The following KCNMA1 variants were observed in gnomAD, a reference collection of about 807,000 sequenced individuals.
The protein encoded by KCNMA1 is Calcium-activated potassium channel subunit alpha-1.
KCNMA1 carries 29 observed loss-of-function variants against 140.0 expected under a neutral mutation model. That is an observed-to-expected ratio of 0.21 (90% CI 0.15 to 0.28). The LOEUF (loss-of-function observed/expected upper bound fraction) is 0.28. Among genes scored for constraint, KCNMA1 ranks in the 10% least tolerant of loss-of-function variants. The pLI is 1.00. For synonymous variants in KCNMA1, 612 were observed against 611.9 expected (o/e 1.00, Z 0.00); for missense variants, 880 against 1,602.2 (o/e 0.55, Z 7.70).
intron 5 of KCNMA1, among the ~76,000 whole-genome samples, chr10:77,136,935 C>A (rs1421058976): frequency 6.6e-6 from 1 of 152,108 alleles, no homozygotes; most frequent in Non-Finnish European, 1.5e-5. Flanking sequence ...TGAGGAGGAC[C>A]CCCTGCCAGA....
At chr10:76,914,488 T>A (rs759594178) in intron 24 of KCNMA1, 1 of 359,756 alleles carries the variant, frequency 2.8e-6, no homozygotes, top group Non-Finnish European at 5.1e-6. Flanking sequence ...GCCCAGGGCT[T>A]CTACCTTGTT....
At chr10:77,060,998 G>T (rs1244809187) in intron 14 of KCNMA1, among the ~76,000 whole-genome samples, 1 of 152,130 alleles carries the variant, frequency 6.6e-6, no homozygotes, top group Non-Finnish European at 1.5e-5. Flanking sequence ...CCAAGTTTTG[G>T]CCTCCAGAAA....
At chr10:77,236,010 T>G (rs1432747604) in intron 3 of KCNMA1, among the ~76,000 whole-genome samples, 1 of 152,094 alleles carries the variant, frequency 6.6e-6, no homozygotes, top group African/African-American at 2.4e-5. Context: ...AGTCTAACAA[T>G]GTCATTTATG....
chr10:76,939,563 C>T (rs2061470057), intron 23 of KCNMA1: 1 of 152,258 alleles, frequency 6.6e-6, no homozygotes, highest in African/African-American at 2.4e-5. Context: ...CACCTGAATC[C>T]TGCAAGCATA....
chr10:77,037,312 T>C (rs755006761), intron 15 of KCNMA1, among the ~76,000 whole-genome samples: 24 of 152,324 alleles, frequency 1.6e-4, no homozygotes, highest in Admixed American at 9.8e-4. Context: ...ACCCCTTTGC[T>C]ACATCAAACT....
chr10:77,079,751 GACAA>G (rs1283072649), intron 12 of KCNMA1: 1 of 618,982 alleles, frequency 1.6e-6, no homozygotes, highest in Non-Finnish European at 2.9e-6. Flanking sequence ...CTTTTCACTG[GACAA>G]GCCCAGCAGT....
At chr10:77,538,052 A>G (rs987097015) in intron 1 of KCNMA1, among the ~76,000 whole-genome samples, 1 of 151,520 alleles carries the variant, frequency 6.6e-6, no homozygotes, top group Non-Finnish European at 1.5e-5. Flanking sequence ...TCATATTCAC[A>G]TACTCTACAC....
chr10:77,237,542 C>A (rs2055933817), intron 3 of KCNMA1, among the ~76,000 whole-genome samples: 1 of 152,196 alleles, frequency 6.6e-6, no homozygotes, highest in Non-Finnish European at 1.5e-5. Flanking sequence ...ACTTCTGCCT[C>A]AAACTCCTGT....
At chr10:77,452,119 C>T (rs1395791903) in intron 1 of KCNMA1, among the ~76,000 whole-genome samples, 4 of 152,182 alleles carry the variant, frequency 2.6e-5, no homozygotes, top group Non-Finnish European at 5.9e-5. Flanking sequence ...TGCCCTTTCC[C>T]CCGCCCTCCC....
chr10:77,121,455 G>T (rs1031996674), intron 5 of KCNMA1, among the ~76,000 whole-genome samples: 1 of 151,984 alleles, frequency 6.6e-6, no homozygotes, highest in East Asian at 1.9e-4. Context: ...AGAATAAATC[G>T]GATAACCTTA....
At position 76,914,372 on chromosome 10, in the gene KCNMA1, C is replaced by T. The variant is rs1040334284; in HGVS notation, c.3016+564G>A. 3 of 534,332 alleles carry T rather than the reference C, an allele frequency of 5.6e-6. No individual in the cohort carries two copies. The African/African-American group carries it at 5.7e-5, about 10-fold the overall frequency. The allele number at this position is 534,332 out of a possible 1,614,324, so 33.1% of individuals were successfully genotyped here. On this transcript the variant is annotated intron_variant, in intron 24 of 27. Coordinates refer to ENST00000286628, the MANE Select transcript of KCNMA1 (RefSeq NM_001161352.2). ...AGATTCTATTGTCCAACCAACATGG[C>T]CCTCAAAACCCCATCATTTTGGGGG... is the stretch of plus-strand genomic sequence containing the variant.
At chr10:77,441,859 G>A (rs879537763) in intron 1 of KCNMA1, among the ~76,000 whole-genome samples, 1 of 151,238 alleles carries the variant, frequency 6.6e-6, no homozygotes, top group Non-Finnish European at 1.5e-5. Flanking sequence ...TCTTTTTTTG[G>A]TCTTGCAAAC....
intron 2 of KCNMA1, among the ~76,000 whole-genome samples, chr10:77,373,148 C>T (rs999804987): frequency 6.6e-6 from 1 of 152,240 alleles, no homozygotes; most frequent in Non-Finnish European, 1.5e-5. Flanking sequence ...CTCATTCCAA[C>T]ACTCTTCCTC....
At chr10:77,295,838 G>GA (rs2074948043) in intron 2 of KCNMA1, among the ~76,000 whole-genome samples, 1 of 140,936 alleles carries the variant, frequency 7.1e-6, no homozygotes, top group Non-Finnish European at 1.5e-5. Flanking sequence ...CTCTGGGAAG[G>GA]AAAAATGGGG....
chr10:77,499,071 G>A (rs2154544474), intron 1 of KCNMA1: 1 of 152,370 alleles, frequency 6.6e-6, no homozygotes, highest in Admixed American at 6.5e-5. Context: ...ACAGAGGACA[G>A]TCTGTGCTCA....
At chr10:76,961,905 G>A (rs140051933) in intron 20 of KCNMA1, among the ~76,000 whole-genome samples, 1 of 152,270 alleles carries the variant, frequency 6.6e-6, no homozygotes, top group African/African-American at 2.4e-5. Flanking sequence ...GCTTTATTGC[G>A]ATATTCACTT....
intron 1 of KCNMA1, among the ~76,000 whole-genome samples, chr10:77,533,477 A>T (rs189820830): frequency 5.3e-5 from 8 of 152,328 alleles, no homozygotes; most frequent in Admixed American, 4.6e-4. Flanking sequence ...GAAGGCAGGC[A>T]TCCCGGGAGG....
intron 5 of KCNMA1, among the ~76,000 whole-genome samples, chr10:77,123,024 A>AC (rs2097651544): frequency 6.6e-6 from 1 of 150,558 alleles, no homozygotes; most frequent in African/African-American, 2.4e-5. Context: ...TAAAAAACAC[A>AC]AAAAAATTAG....
At chr10:76,942,257 C>T (rs1348573524) in intron 23 of KCNMA1, among the ~76,000 whole-genome samples, 2 of 152,162 alleles carry the variant, frequency 1.3e-5, no homozygotes, top group Admixed American at 1.3e-4. Flanking sequence ...CATGCCTGGC[C>T]TCAGGCTTCT....
Sources: allele counts gnomAD v4.1 joint callset (sites outside exome capture counted in the v4.1 genomes callset), GRCh38; gene constraint gnomAD v4.1.1; transcripts MANE v1.5; gene names NCBI Gene and HGNC (gene_info 2026-07-23, HGNC 2026-07-21).